The following PREP variants were observed in gnomAD, a reference collection of about 807,000 sequenced individuals.
PREP encodes dJ355L5.1 (prolyl endopeptidase).
A neutral mutation model predicts 87.6 loss-of-function variants in PREP; 29 were observed. The observed-to-expected ratio is 0.33, with a 90% CI of 0.25 to 0.45. The LOEUF (loss-of-function observed/expected upper bound fraction) is 0.45, where lower values mean the gene tolerates loss of function less well. Among genes scored for constraint, PREP ranks in the 20% least tolerant of loss-of-function variants. The pLI is 1.00. For synonymous variants in PREP, 337 were observed against 328.6 expected, an observed-to-expected ratio of 1.03 and a Z score of -0.28; for missense variants, 695 against 886.5, an observed-to-expected ratio of 0.78 and a Z score of 2.74.
intron 12 of PREP, among the ~76,000 whole-genome samples, chr6:105,283,869 G>A (rs1770131883): frequency 6.6e-6 from 1 of 152,160 alleles, no homozygotes; most frequent in African/African-American, 2.4e-5. Flanking sequence ...GAGCAGACTA[G>A]GACCAAATTA....
chr6:105,332,562 T>C (rs1771364380), intron 8 of PREP, among the ~76,000 whole-genome samples: 1 of 152,188 alleles, frequency 6.6e-6, no homozygotes, highest in Non-Finnish European at 1.5e-5. Flanking sequence ...ATCCTCAATC[T>C]ACCCAGCAGC....
intron 7 of PREP, among the ~76,000 whole-genome samples, chr6:105,334,157 A>C (rs376392368): frequency 6.6e-6 from 1 of 152,178 alleles, no homozygotes; most frequent in South Asian, 2.1e-4. Flanking sequence ...ACAGTATCTC[A>C]ATCTTTTAAA....
chr6:105,283,021 T>C (rs540185737), intron 12 of PREP, among the ~76,000 whole-genome samples: 15 of 152,208 alleles, frequency 9.9e-5, no homozygotes, highest in Non-Finnish European at 1.5e-4. Flanking sequence ...GGAGTGCTCG[T>C]GTCTCCCCTC....
chr6:105,283,312 TG>T (rs1158180427), intron 12 of PREP, among the ~76,000 whole-genome samples: 1 of 152,178 alleles, frequency 6.6e-6, no homozygotes, highest in African/African-American at 2.4e-5. Flanking sequence ...ACAAATTACT[TG>T]GAGAAACATT....
In PREP at chr6:105,288,877, C is replaced by T. The variant is rs1562187821; in HGVS notation, c.1335G>A (p.Lys445=). ...YQTVQIFYPS[K]DGTKIPMFIV... is the part of the protein sequence containing the mutation. ...TGAACATTGGAATCTTCGTACCATC[C>T]TTGCTAGGGTAGAAAATCTAGAATA... is the stretch of plus-strand genomic sequence containing the variant. The change falls in exon 11 of 15, where the codon AAG becomes AAA. Residue 445 remains lysine (K), a synonymous_variant. Transcript: ENST00000652536. 1 of 1,612,760 alleles carries T rather than the reference C, an allele frequency of 6.2e-7. No homozygotes were observed. The highest frequency in any genetic ancestry group is 1.3e-5 in the African/African-American group (1 of 74,880).
At chr6:105,358,050 A>T (rs1772148069) in intron 6 of PREP, among the ~76,000 whole-genome samples, 1 of 152,078 alleles carries the variant, frequency 6.6e-6, no homozygotes, top group Admixed American at 6.5e-5. Flanking sequence ...CCAATTATGA[A>T]ATAATTCCTA....
At chr6:105,397,683 C>CT (rs1773321324) in intron 2 of PREP, among the ~76,000 whole-genome samples, 170 bp downstream of exon 2, 1 of 152,140 alleles carries the variant, frequency 6.6e-6, no homozygotes, top group Admixed American at 6.5e-5. Context: ...ATGCTTTTGT[C>CT]TTTTTCCCAT....
intron 3 of PREP, among the ~76,000 whole-genome samples, chr6:105,376,497 T>C (rs906403763): frequency 6.6e-6 from 1 of 152,218 alleles, no homozygotes; most frequent in Admixed American, 6.5e-5. Flanking sequence ...ATTAGCCGAG[T>C]AGAGGCAAAT....
At chr6:105,312,120 T>TAATGATTTTTTACTTGCAGGCTA (rs1770771364) in intron 10 of PREP, among the ~76,000 whole-genome samples, 2 of 152,248 alleles carry the variant, frequency 1.3e-5, no homozygotes, top group Non-Finnish European at 2.9e-5. Context: ...AGCACATATA[T>TAATGATTTTTTACTTGCAGGCTA]AATGATTTTT....
intron 10 of PREP, chr6:105,302,870 T>C (rs148994983): frequency 1.7e-4 from 52 of 306,768 alleles, no homozygotes; most frequent in Middle Eastern, 1.2e-3. Flanking sequence ...CTAAATACTC[T>C]CTTTTTGACC....
intron 10 of PREP, among the ~76,000 whole-genome samples, chr6:105,313,527 A>G (rs139498797): frequency 9.3e-4 from 141 of 152,358 alleles, no homozygotes; most frequent in African/African-American, 3.3e-3. Context: ...AGGCAGAGCA[A>G]ATCTAAACAA....
chr6:105,301,709 T>A (rs1184905254), intron 10 of PREP, among the ~76,000 whole-genome samples: 1 of 152,222 alleles, frequency 6.6e-6, no homozygotes, highest in Non-Finnish European at 1.5e-5. Context: ...AAAAGCTCCC[T>A]TAGGATACCT....
At chr6:105,366,747 C>T (rs1221442453) in intron 6 of PREP, among the ~76,000 whole-genome samples, 1 of 152,108 alleles carries the variant, frequency 6.6e-6, no homozygotes, top group Non-Finnish European at 1.5e-5. Flanking sequence ...TATTGTTCAG[C>T]GTTAAAAAGG....
chr6:105,311,590 C>G (rs894058140), intron 10 of PREP, among the ~76,000 whole-genome samples: 1 of 152,264 alleles, frequency 6.6e-6, no homozygotes, highest in Non-Finnish European at 1.5e-5. Flanking sequence ...CTTCTCCCAA[C>G]TTGCAATGCT....
At chr6:105,362,710 G>A (rs1179998969) in intron 6 of PREP, among the ~76,000 whole-genome samples, 1 of 152,154 alleles carries the variant, frequency 6.6e-6, no homozygotes, top group Admixed American at 6.5e-5. Flanking sequence ...TTATCAGCAC[G>A]GTGAATATTA....
At chr6:105,311,252 A>G (rs780419834) in intron 10 of PREP, among the ~76,000 whole-genome samples, 1 of 152,206 alleles carries the variant, frequency 6.6e-6, no homozygotes, top group Non-Finnish European at 1.5e-5. Context: ...TCTCTCCAGT[A>G]TAAAACTCTG....
chr6:105,401,568 C>T (rs188125927), intron 1 of PREP, among the ~76,000 whole-genome samples: 56 of 152,324 alleles, frequency 3.7e-4, no homozygotes, highest in African/African-American at 1.1e-3. Flanking sequence ...TTTAGTCCAG[C>T]CTCTTTCTCC....
intron 10 of PREP, among the ~76,000 whole-genome samples, chr6:105,306,123 G>A (rs546038186): frequency 5.9e-5 from 9 of 152,182 alleles, no homozygotes; most frequent in Non-Finnish European, 8.8e-5. Flanking sequence ...GATTACAAGC[G>A]TGAGCCACCT....
intron 10 of PREP, chr6:105,302,622 T>A (rs1400613841): frequency 4.4e-6 from 2 of 450,272 alleles, no homozygotes; most frequent in Admixed American, 5.1e-5. Context: ...TTCCTGAGGT[T>A]TTCTTTGTGT....
Sources: gnomAD v4.1 joint callset for allele counts (sites outside exome capture counted in the v4.1 genomes callset) on GRCh38, gnomAD v4.1.1 for gene constraint, MANE v1.5 for transcripts, NCBI Gene and HGNC (gene_info 2026-07-23, HGNC 2026-07-21) for gene names.